ABCA12: variants seen among roughly 807,000 people sequenced by gnomAD.
ABCA12 encodes the protein ATP binding cassette subfamily A member 12.
Under a neutral mutation model 293.5 loss-of-function variants are expected in ABCA12, and 156 were observed. The ratio of observed to expected loss-of-function variants is 0.53; its 90% CI spans 0.47 to 0.61. The LOEUF (loss-of-function observed/expected upper bound fraction) is 0.61. ABCA12 is among the 20% of genes least tolerant of loss of function. The pLI, the probability that ABCA12 is intolerant of heterozygous loss-of-function variation, is 0.00. For synonymous variants in ABCA12, 1,063 were observed against 1,108.0 expected, an observed-to-expected ratio of 0.96 and a Z score of 0.81; for missense variants, 2,797 against 3,090.2, an observed-to-expected ratio of 0.91 and a Z score of 2.25.
chr2:214,947,511 C>T lies in ABCA12; in HGVS notation c.7150G>A (p.Asp2384Asn). Residue 2384 changes from aspartate (D) to asparagine (N), a missense_variant, in exon 48 of 53, where the codon GAC (aspartate) becomes AAC (asparagine). Asp to Asn is a conservative substitution (Grantham distance 23). Coordinates refer to ENST00000272895, the MANE Select transcript of ABCA12 (RefSeq NM_173076.3). The stretch of plus-strand genomic sequence containing the variant: ...TAACTGCACATAGAGGTAGCTCTGT[C>T]CTTGAAGGGCATCAGGTGAAGTCTC... Reference protein sequence around the residue: ...LRRLHLMPFKDRATSMCSYGT... With the variant: ...LRRLHLMPFKNRATSMCSYGT... 6.2e-7 allele frequency: 1 copy of T among 1,613,842 alleles called. No homozygotes were observed. The highest frequency in any genetic ancestry group is 8.5e-7 in the Non-Finnish European group (1 of 1,179,894).
At chr2:215,084,024 C>T (rs1264645853) in intron 2 of ABCA12, among the ~76,000 whole-genome samples, 1 of 152,122 alleles carries the variant, frequency 6.6e-6, no homozygotes, top group African/African-American at 2.4e-5. Flanking sequence ...GTTGCCCAGG[C>T]TGGAGTACAG....
At chr2:215,064,366 T>C (rs1701597731) in intron 2 of ABCA12, 147 bp from the exon 3 acceptor site, 1 of 778,002 alleles carries the variant, frequency 1.3e-6, no homozygotes, top group Non-Finnish European at 2.2e-6. Flanking sequence ...CAACTAACAC[T>C]CACCACTGAG....
chr2:214,932,529 T>C lies in ABCA12; in HGVS notation c.*105A>G. ...CAGTTGTAACTTTCCATACAGTATA[T>C]TACTTTACTTTAAAATGAAGATATC... On this transcript the variant is annotated 3_prime_UTR_variant, in exon 53 of 53. Transcript: ENST00000272895. The C allele has an allele frequency of 1.1e-6, 1 of 874,270 alleles. No homozygotes were observed. Among genetic ancestry groups the C allele is most frequent in the Non-Finnish European group, 1.9e-6 (1 of 533,206 alleles). 54.2% of individuals were successfully genotyped at this position (874,270 alleles called of 1,614,324 possible).
intron 1 of ABCA12, among the ~76,000 whole-genome samples, chr2:215,118,781 T>C (rs1702739987): frequency 6.6e-6 from 1 of 152,200 alleles, no homozygotes; most frequent in Admixed American, 6.5e-5. Context: ...AGCATTCTTA[T>C]ATGTTTGTTG....
chr2:214,932,463 G>C lies in ABCA12; in HGVS notation c.*171C>G. ...GTAGCAACAACACTCACTGACCTTA[G>C]AAGGAAAAATTTCCTTTTATAATTA... On this transcript the variant is annotated 3_prime_UTR_variant, in exon 53 of 53. Coordinates refer to ENST00000272895, the MANE Select transcript of ABCA12 (RefSeq NM_173076.3). 5 of 633,840 alleles carry C rather than the reference G, an allele frequency of 7.9e-6. No homozygotes were observed. The highest frequency in any genetic ancestry group is 1.4e-5 in the Non-Finnish European group (5 of 358,220). The allele number at this position is 633,840 out of a possible 1,614,324, so 39.3% of individuals were successfully genotyped here.
At chr2:214,952,903 CCT>C (rs1322075077) in intron 44 of ABCA12, among the ~76,000 whole-genome samples, 1 of 152,082 alleles carries the variant, frequency 6.6e-6, no homozygotes, top group African/African-American at 2.4e-5. Context: ...TCTTTTATTT[CCT>C]CTCATTGTTT....
chr2:215,080,174 A>T (rs1413271446), intron 2 of ABCA12, among the ~76,000 whole-genome samples: 2 of 152,192 alleles, frequency 1.3e-5, no homozygotes, highest in African/African-American at 4.8e-5. Flanking sequence ...AGTTACTTAA[A>T]ATTCCTTTAA....
At chr2:214,948,975 A>G (rs1698666195) in intron 46 of ABCA12, 65 bp downstream of exon 46, 2 of 1,398,678 alleles carry the variant, frequency 1.4e-6, no homozygotes, top group Non-Finnish European at 2.0e-6. Flanking sequence ...TTAAATGTTC[A>G]TTTCAATTAT....
At chr2:215,081,366 T>C (rs1459260201) in intron 2 of ABCA12, among the ~76,000 whole-genome samples, 1 of 150,492 alleles carries the variant, frequency 6.6e-6, no homozygotes, top group Non-Finnish European at 1.5e-5. Context: ...TAGTCCCAGC[T>C]ACTCTGGGTG....
intron 9 of ABCA12, among the ~76,000 whole-genome samples, chr2:215,028,264 G>C (rs1300544013): frequency 6.6e-6 from 1 of 152,156 alleles, no homozygotes; most frequent in Non-Finnish European, 1.5e-5. Flanking sequence ...AGAAGACTCA[G>C]GGTGTTTAAA....
rs1006910418 is a variant in ABCA12 at position 214,982,372 on chromosome 2, T to A, written c.4394A>T (p.Asp1465Val). Residue 1465 changes from aspartate (D) to valine (V), a missense_variant, in exon 30 of 53, where the codon GAT becomes GTT. Physicochemically the swap from Asp to Val is radical, Grantham distance 152 (BLOSUM62 -3). Transcript: ENST00000272895. ...LHEEVKRTLK[D>V]TGLYSHRHKR... ...ATGACGATGGCTATATAGTCCAGTA[T>A]CTTTTAAAGTCCTTCAAAAATAATG... The A allele has an allele frequency of 1.2e-5, 19 of 1,613,756 alleles. No homozygotes were observed. Among genetic ancestry groups the A allele is most frequent in the Non-Finnish European group, 1.5e-5 (18 of 1,179,744 alleles).
At chr2:215,090,683 G>A (rs1208801111) in intron 2 of ABCA12, among the ~76,000 whole-genome samples, 1 of 152,038 alleles carries the variant, frequency 6.6e-6, no homozygotes, top group African/African-American at 2.4e-5. Context: ...AGAGGTGTCT[G>A]ATCACCACGG....
At chr2:215,133,512 T>C (rs990443091) in intron 1 of ABCA12, among the ~76,000 whole-genome samples, 2 of 152,080 alleles carry the variant, frequency 1.3e-5, no homozygotes, top group African/African-American at 2.4e-5. Context: ...ATCTCTTTGC[T>C]GTCCCAGGAC....
intron 24 of ABCA12, among the ~76,000 whole-genome samples, chr2:214,990,312 A>C (rs913426645): frequency 6.6e-6 from 1 of 152,150 alleles, no homozygotes; most frequent in African/African-American, 2.4e-5. Flanking sequence ...TTACACCTTT[A>C]AGCTATATTA....
chr2:214,979,037 G>T lies in ABCA12; in HGVS notation c.4744C>A (p.Pro1582Thr). The change falls in exon 32 of 53, where the codon CCA becomes ACA. Residue 1582 changes from proline to threonine, a missense_variant. This residue lies in a region of ABCA12 where 2,130 missense variants were observed against 2,427.0 expected (regional missense o/e 0.88). Transcript: ENST00000272895. Reference protein sequence around the residue: ...YHLTLTKKKSPNLNANAVCDT... With the variant: ...YHLTLTKKKSTNLNANAVCDT... ...CATACTGCATTTGCATTTAAATTTG[G>T]ACTCTAAGAGAGAAAAGTAGGAATT... The T allele has an allele frequency of 6.2e-7, 1 of 1,613,524 alleles. No individual in the cohort carries two copies. Among genetic ancestry groups the T allele is most frequent in the Non-Finnish European group, 8.5e-7 (1 of 1,179,532 alleles).
rs765709383 is a variant in ABCA12 at position 214,974,766 on chromosome 2, A to G, written c.5468+12T>C. On this transcript the variant is annotated intron_variant, in intron 35 of 52. Coordinates refer to ENST00000272895, the MANE Select transcript of ABCA12 (RefSeq NM_173076.3). ...GCTGAAAACAAAAAATAGAAGAGCA[A>G]GAACCACTTACAGATCACTGGTGTT... 6.2e-6 allele frequency: 10 copies of G among 1,613,782 alleles called. No individual in the cohort carries two copies. In the South Asian group the frequency reaches 9.9e-5, roughly 16 times the overall value.
chr2:214,981,972 A>ATTTTTTTTTT (rs1559128738), intron 30 of ABCA12, among the ~76,000 whole-genome samples: 4 of 128,402 alleles, frequency 3.1e-5, no homozygotes, highest in African/African-American at 1.3e-4. Context: ...TATTATTATT[A>ATTTTTTTTTT]TTATTATTAT....
intron 39 of ABCA12, among the ~76,000 whole-genome samples, chr2:214,964,574 T>A (rs1699207463): frequency 6.6e-6 from 1 of 152,088 alleles, no homozygotes; most frequent in Admixed American, 6.5e-5. Context: ...AGCATTCCTA[T>A]ACACCAACAG....
chr2:215,041,378 C>T (rs1701097064), intron 7 of ABCA12, among the ~76,000 whole-genome samples: 1 of 151,824 alleles, frequency 6.6e-6, no homozygotes, highest in Admixed American at 6.6e-5. Context: ...ATGGTGAAAC[C>T]CCGTCTCTAC....
Sources: gnomAD v4.1 joint callset for allele counts (sites outside exome capture counted in the v4.1 genomes callset) on GRCh38, gnomAD v4.1.1 for gene constraint, gnomAD v4.1.1 regional missense constraint, MANE v1.5 for transcripts, NCBI Gene and HGNC (gene_info 2026-07-23, HGNC 2026-07-21) for gene names.